The following RGS10 variants were observed in gnomAD, a reference collection of about 807,000 sequenced individuals.
RGS10 encodes regulator of G protein signaling 10, also known as regulator of G-protein signalling 10.
A neutral mutation model predicts 23.5 loss-of-function variants in RGS10; 11 were observed. The observed-to-expected ratio is 0.47, with a 90% CI of 0.29 to 0.77. The LOEUF (loss-of-function observed/expected upper bound fraction) is 0.77, where lower values mean the gene tolerates loss of function less well. Ranked by LOEUF, RGS10 falls within the 30% of genes least tolerant of loss-of-function variation. The pLI, the probability that RGS10 is intolerant of heterozygous loss-of-function variation, is 0.08. For missense variants in RGS10, 180 were observed against 226.3 expected, an observed-to-expected ratio of 0.80 and a Z score of 1.31; for synonymous variants, 77 against 83.2, an observed-to-expected ratio of 0.92 and a Z score of 0.41.
chr10:119,539,849 G>A (rs996949873), intron 1 of RGS10, among the ~76,000 whole-genome samples: 1 of 152,030 alleles, frequency 6.6e-6, no homozygotes, highest in African/African-American at 2.4e-5. Context: ...GGGGAGGCAG[G>A]ACCACAGCCA....
chr10:119,515,311 G>T (rs983064901), intron 4 of RGS10, 198 bp downstream of exon 4: 5 of 614,948 alleles, frequency 8.1e-6, no homozygotes, highest in East Asian at 2.9e-5. Flanking sequence ...GGCCTGGGGG[G>T]ACTCCTGTGG....
At chr10:119,505,304 C>T (rs1328209398) in intron 4 of RGS10, among the ~76,000 whole-genome samples, 4 of 142,012 alleles carry the variant, frequency 2.8e-5, no homozygotes, top group Non-Finnish European at 6.1e-5. Context: ...AAGTTGGCGG[C>T]TGAGCTGCAT....
At chr10:119,542,468 G>C in intron 1 of RGS10, 122 bp downstream of exon 1, 1 of 826,892 alleles carries the variant, frequency 1.2e-6, no homozygotes, top group South Asian at 3.4e-5. Context: ...TGGTGCGGTC[G>C]GCCGGGGCTC....
At position 119,501,335 on chromosome 10, in the gene RGS10, C is replaced by T. The variant is rs1445136714; in HGVS notation, c.400-1076G>A. Among the ~76,000 whole-genome samples the T allele has an allele frequency of 3.9e-5, 6 of 152,196 alleles. No individual in the cohort carries two copies. The South Asian group carries it at 6.2e-4, about 16-fold the overall frequency. ...AGTTCCAGAGATGTCTAGAATGTCA[C>T]TGACTGCCAGGCGGGGTTGTCAAGT... is the stretch of plus-strand genomic sequence containing the variant. On this transcript the variant is annotated intron_variant, in intron 4 of 4. Coordinates refer to ENST00000369103, the MANE Select transcript of RGS10 (RefSeq NM_001005339.2).
chr10:119,506,104 A>C (rs1255973617), intron 4 of RGS10, among the ~76,000 whole-genome samples: 3 of 152,248 alleles, frequency 2.0e-5, no homozygotes, highest in Admixed American at 6.5e-5. Flanking sequence ...GAGGAGACAG[A>C]AAGGGGGAAG....
chr10:119,515,107 G>C (rs1844126698), intron 4 of RGS10, among the ~76,000 whole-genome samples: 1 of 152,144 alleles, frequency 6.6e-6, no homozygotes, highest in African/African-American at 2.4e-5. Flanking sequence ...GAGGTGTCTG[G>C]ATATTTGCAC....
At chr10:119,536,036 A>G (rs76288425) in intron 1 of RGS10, among the ~76,000 whole-genome samples, 2,616 of 152,310 alleles carry the variant, frequency 0.017, 53 homozygotes, top group East Asian at 0.06. Flanking sequence ...GGCTCCAGAG[A>G]AACTGGGTCA....
intron 1 of RGS10, among the ~76,000 whole-genome samples, chr10:119,533,025 G>A (rs1318393589): frequency 7.7e-6 from 1 of 130,180 alleles, no homozygotes; most frequent in Non-Finnish European, 1.6e-5. Flanking sequence ...GGGTGACAGA[G>A]CCAGACGCTG....
rs530850760 is a variant in RGS10, at chr10:119,538,640, GCTTAGCAGGGCTCTTGACAGATGGGAA to G, written c.49+3923_49+3949del. Among the ~76,000 whole-genome samples, 353 of 152,282 alleles carry G rather than the reference GCTTAGCAGGGCTCTTGACAGATGGGAA, an allele frequency of 2.3e-3. No individual in the cohort carries two copies. Among genetic ancestry groups the G allele is most frequent in the African/African-American group, 7.9e-3 (327 of 41,546 alleles). ...GGGGCAGCAAGGTGGACCTGAGGGA[GCTTAGCAGGGCTCTTGACAGATGGGAA>G]CTTGCTTGGAAGGGAAATTTGTCCC... On this transcript the variant is annotated intron_variant, in intron 1 of 4. Coordinates refer to ENST00000369103, the MANE Select transcript of RGS10 (RefSeq NM_001005339.2). This position sits in a 1 kb window ranked among gnomAD's most constrained non-coding sequence, Gnocchi z 4.5.
intron 4 of RGS10, among the ~76,000 whole-genome samples, chr10:119,514,912 T>C (rs1024530367): frequency 6.6e-6 from 1 of 152,150 alleles, no homozygotes; most frequent in African/African-American, 2.4e-5. Flanking sequence ...TCAATGCCCA[T>C]GCGTCCTTCC....
In RGS10 at chr10:119,500,273, G is replaced by GA. The variant is rs770654981; in HGVS notation, c.400-15dup. Reference sequence around the variant, plus strand: ...GAGATTAAAGATCTAAGGAGGAAAAGAAAAAAGAGTCTGAAGGCTGAGGCT... The same window carrying GA: ...GAGATTAAAGATCTAAGGAGGAAAAGAAAAAAAGAGTCTGAAGGCTGAGGCT... On this transcript the variant is annotated splice_polypyrimidine_tract_variant and intron_variant, in intron 4 of 4. Coordinates refer to ENST00000369103, the MANE Select transcript of RGS10 (RefSeq NM_001005339.2). 55 of 1,597,676 alleles carry GA rather than the reference G, an allele frequency of 3.4e-5. No homozygotes were observed. The highest frequency in any genetic ancestry group is 3.2e-4 in the Admixed American group (18 of 55,572).
chr10:119,523,766 A>AACCCAAC (rs1487169107), intron 3 of RGS10, among the ~76,000 whole-genome samples: 1 of 152,212 alleles, frequency 6.6e-6, no homozygotes, highest in African/African-American at 2.4e-5. Context: ...AGGGCAGGGC[A>AACCCAAC]ACCCAACACC....
intron 4 of RGS10, among the ~76,000 whole-genome samples, chr10:119,508,247 G>A (rs1162248505): frequency 3.3e-5 from 5 of 152,062 alleles, no homozygotes; most frequent in Non-Finnish European, 7.4e-5. Flanking sequence ...TAATCCACCC[G>A]CCTCGGCCTC....
At position 119,515,628 on chromosome 10, in the gene RGS10, A is replaced by G. The variant is rs1364891757; in HGVS notation, c.280T>C (p.Tyr94His). The G allele has an allele frequency of 6.2e-7, 1 of 1,614,034 alleles. No individual in the cohort carries two copies. Among genetic ancestry groups the G allele is most frequent in the Non-Finnish European group, 8.5e-7 (1 of 1,180,024 alleles). ...GCCTTGCTGGACAGAAAGGTCATGT[A>G]GATCTCCTTTGCCTTTTCCTGCATC... Reference protein sequence around the residue: ...TQMQEKAKEIYMTFLSSKASS... With the variant: ...TQMQEKAKEIHMTFLSSKASS... Residue 94 changes from tyrosine to histidine, a missense_variant, in exon 4 of 5, where the codon TAC becomes CAC. Tyr to His is a moderately conservative substitution (Grantham distance 83, BLOSUM62 2). Transcript: ENST00000369103.
intron 1 of RGS10, among the ~76,000 whole-genome samples, chr10:119,541,062 A>G (rs1012286179): frequency 6.6e-6 from 1 of 152,204 alleles, no homozygotes; most frequent in African/African-American, 2.4e-5. Context: ...AACTTTTTGA[A>G]TATTTGGCAA....
chr10:119,537,382 CAAA>C (rs56219523), intron 1 of RGS10, among the ~76,000 whole-genome samples: 1 of 131,372 alleles, frequency 7.6e-6, no homozygotes. Flanking sequence ...AACTCCGTCT[CAAA>C]AAAAAAAAAA....
At chr10:119,518,925 C>T (rs565204206) in intron 3 of RGS10, among the ~76,000 whole-genome samples, 4 of 152,262 alleles carry the variant, frequency 2.6e-5, no homozygotes, top group East Asian at 1.9e-4. Flanking sequence ...AGGCTGCTCT[C>T]GAACTCCCAG....
chr10:119,506,540 C>A (rs1001091532), intron 4 of RGS10, among the ~76,000 whole-genome samples: 5 of 152,322 alleles, frequency 3.3e-5, no homozygotes, highest in Admixed American at 3.3e-4. Context: ...AGCGGATTGT[C>A]CGCTTTTTTC....
chr10:119,518,807 C>A (rs1844176052), intron 3 of RGS10, among the ~76,000 whole-genome samples: 1 of 151,922 alleles, frequency 6.6e-6, no homozygotes. Context: ...CGGGTTCAAG[C>A]AATTCTCCTG....
Sources: gnomAD v4.1 joint callset for allele counts (sites outside exome capture counted in the v4.1 genomes callset) on GRCh38, gnomAD v4.1.1 for gene constraint, Gnocchi (gnomAD v3.1) non-coding constraint, MANE v1.5 for transcripts, NCBI Gene and HGNC (gene_info 2026-07-23, HGNC 2026-07-21) for gene names.